The following BMP2K variants were observed in gnomAD, a reference collection of about 807,000 sequenced individuals.
The protein encoded by BMP2K is BMP-2-inducible protein kinase.
In BMP2K, 74 loss-of-function variants were observed where a neutral mutation model predicts 116.0. That is an observed-to-expected ratio of 0.64 (90% CI 0.53 to 0.77). BMP2K has a LOEUF of 0.77. Ranked by LOEUF, BMP2K falls within the 30% of genes least tolerant of loss-of-function variation. The probability of loss-of-function intolerance (pLI) is 0.00; values close to 1 mark genes in which losing one functional copy is unlikely to be tolerated. For missense variants in BMP2K, 1,365 were observed against 1,403.6 expected (o/e 0.97, Z 0.44); for synonymous variants, 486 against 502.5 (o/e 0.97, Z 0.44).
At chr4:78,834,561 T>C (rs1174674323) in intron 3 of BMP2K, among the ~76,000 whole-genome samples, 1 of 152,040 alleles carries the variant, frequency 6.6e-6, no homozygotes, top group African/African-American at 2.4e-5. Context: ...GCGTCTGTCC[T>C]TAAAAATTTT....
At chr4:78,875,858 G>A (rs962014077) in intron 13 of BMP2K, among the ~76,000 whole-genome samples, 5 of 152,166 alleles carry the variant, frequency 3.3e-5, no homozygotes, top group African/African-American at 1.2e-4. Flanking sequence ...ATTGATTCTG[G>A]TTTCTCCCTC....
chr4:78,860,298 A>C (rs893173149), intron 8 of BMP2K, among the ~76,000 whole-genome samples: 1 of 151,882 alleles, frequency 6.6e-6, no homozygotes, highest in Non-Finnish European at 1.5e-5. Flanking sequence ...GTATATCCTT[A>C]TAACAAAGCT....
chr4:78,808,267 T>C (rs1466783713), intron 1 of BMP2K, among the ~76,000 whole-genome samples: 1 of 144,614 alleles, frequency 6.9e-6, no homozygotes, highest in Non-Finnish European at 1.5e-5. Context: ...CTTGCTTCCT[T>C]TTTTTTTTTT....
intron 1 of BMP2K, among the ~76,000 whole-genome samples, chr4:78,802,393 G>A (rs1049085268): frequency 3.3e-5 from 5 of 152,160 alleles, no homozygotes; most frequent in Admixed American, 3.3e-4. Context: ...TTCCAGGAAA[G>A]CTTTTTCTGA....
chr4:78,880,479 T>A (rs1732842211), intron 14 of BMP2K, among the ~76,000 whole-genome samples: 1 of 152,232 alleles, frequency 6.6e-6, no homozygotes, highest in Non-Finnish European at 1.5e-5. Flanking sequence ...CTGACCAGGG[T>A]TTACTAAATT....
chr4:78,801,885 T>G (rs1728585601), intron 1 of BMP2K, among the ~76,000 whole-genome samples: 2 of 152,238 alleles, frequency 1.3e-5, no homozygotes, highest in Non-Finnish European at 2.9e-5. Context: ...ATCTACAGTT[T>G]AGAAATTAGG....
rs1194188507 is a variant in BMP2K, at chr4:78,872,810, T to C, written c.1793+12T>C. On this transcript the variant is annotated intron_variant, in intron 13 of 15. Coordinates refer to ENST00000502613, the MANE Select transcript of BMP2K (RefSeq NM_198892.2). The stretch of plus-strand genomic sequence containing the variant: ...TATAGTGCCAATAGGCAAGTATTTT[T>C]CCAGTGAAAGCAAAGGAAATTATTG... 7 of 1,609,116 alleles carry C rather than the reference T, an allele frequency of 4.4e-6. No individual in the cohort carries two copies. Among genetic ancestry groups the C allele is most frequent in the Non-Finnish European group, 5.9e-6 (7 of 1,176,712 alleles).
At chr4:78,786,200 G>A (rs1282527024) in intron 1 of BMP2K, among the ~76,000 whole-genome samples, 2 of 152,098 alleles carry the variant, frequency 1.3e-5, no homozygotes, top group African/African-American at 4.8e-5. Context: ...ATTGGGTCAT[G>A]AGAGCCCTCA....
rs539425107 is a variant in BMP2K at position 78,893,479 on chromosome 4, CT to C, written c.2062+6199del. 2.7e-4 allele frequency among the ~76,000 whole-genome samples: 41 copies of C among 152,294 alleles called. 1 individual carries two copies. The South Asian group carries it at 4.6e-3, about 17-fold the overall frequency. ...TTAATGAAATCTAGAATGGTGAATT[CT>C]TTTCAGGTTTTCAGTTTACTTTGCA... On this transcript the variant is annotated intron_variant, in intron 15 of 15. Transcript: ENST00000502613.
chr4:78,871,026 A>G lies in BMP2K; in HGVS notation c.1475A>G (p.His492Arg). ...CAGCAGCAGCACCACCACCACCACC[A>G]CCACCACCTACTTCAAGATGCTTAT... ...QQQQQHHHHH[H>R]HHLLQDAYMQ... Residue 492 changes from histidine to arginine, a missense_variant, in exon 11 of 16, where the codon CAC (histidine) becomes CGC (arginine). Around this residue, in one of 3 missense-constraint regions of BMP2K, gnomAD observed 762 missense variants for 756.7 expected, o/e 1.01. Transcript: ENST00000502613. The G allele has an allele frequency of 6.2e-7, 1 of 1,607,150 alleles. No individual in the cohort carries two copies. Among genetic ancestry groups the G allele is most frequent in the Non-Finnish European group, 8.5e-7 (1 of 1,179,902 alleles).
Position 78,910,855 on chromosome 4 carries a change from G to A in BMP2K, c.2308G>A (p.Gly770Arg), listed in dbSNP as rs1250260171. The change falls in exon 16 of 16, where the codon GGA (glycine) becomes AGA (arginine). Residue 770 changes from glycine to arginine, a missense_variant. This residue lies in a region of BMP2K where 596 missense variants were observed against 623.2 expected (regional missense o/e 0.96). Transcript: ENST00000502613. ...DDEEVLQGEQ[G>R]DFNDDDTEPE... ...TGAAGAAGTTCTTCAGGGGGAACAA[G>A]GAGATTTTAATGATGATGATACTGA... is the stretch of plus-strand genomic sequence containing the variant. 3 of 1,613,994 alleles carry A rather than the reference G, an allele frequency of 1.9e-6. No homozygotes were observed. The highest frequency in any genetic ancestry group is 1.7e-5 in the Admixed American group (1 of 60,014).
Position 78,826,770 on chromosome 4 carries a change from C to CT in BMP2K, c.297+618dup, listed in dbSNP as rs984611138. Among the ~76,000 whole-genome samples, 26 of 152,000 alleles carry CT rather than the reference C, an allele frequency of 1.7e-4. 1 individual carries two copies. The highest frequency in any genetic ancestry group is 6.0e-4 in the African/African-American group (25 of 41,458). ...GTATACTTTAAAGCTACTCTGCTTT[C>CT]TTTCTTTTTTTTTTCTTAAATACTT... On this transcript the variant is annotated intron_variant, in intron 2 of 15. Coordinates refer to ENST00000502613, the MANE Select transcript of BMP2K (RefSeq NM_198892.2).
intron 1 of BMP2K, among the ~76,000 whole-genome samples, chr4:78,818,247 C>CT (rs1485916131): frequency 2.0e-5 from 3 of 152,172 alleles, no homozygotes; most frequent in Non-Finnish European, 4.4e-5. Flanking sequence ...ATATACCCAT[C>CT]ATAATGCCTA....
intron 4 of BMP2K, among the ~76,000 whole-genome samples, chr4:78,844,391 A>G (rs1489075932): frequency 6.6e-6 from 1 of 151,382 alleles, no homozygotes; most frequent in African/African-American, 2.4e-5. Context: ...AATTAAGTCA[A>G]ATTTGTATTT....
chr4:78,873,590 C>T (rs943724697), intron 13 of BMP2K, among the ~76,000 whole-genome samples: 1 of 152,036 alleles, frequency 6.6e-6, no homozygotes, highest in African/African-American at 2.4e-5. Flanking sequence ...GCATCAGTAG[C>T]ATACTTGTAC....
rs201253367 is a variant in BMP2K, at chr4:78,776,738, AGGCTC to A, written c.178+20_178+24del. Reference sequence around the variant, plus strand: ...TGGCCGAAGGTACGGGCGCCCGGGGAGGCTCGGACAGGCAGGTGAGGGAGGGTTGG... The same window carrying A: ...TGGCCGAAGGTACGGGCGCCCGGGGAGGACAGGCAGGTGAGGGAGGGTTGG... On this transcript the variant is annotated intron_variant, in intron 1 of 15. Transcript: ENST00000502613. The A allele has an allele frequency of 0.17, 213,749 of 1,262,692 alleles. 19,090 individuals are homozygous for A. The highest frequency in any genetic ancestry group is 0.26 in the South Asian group (7,020 of 26,536). 78.2% of individuals were successfully genotyped at this position (1,262,692 alleles called of 1,614,324 possible). A position where few individuals can be genotyped will look rare whatever the true frequency, so the allele number is the denominator to read the frequency against.
intron 3 of BMP2K, among the ~76,000 whole-genome samples, chr4:78,837,099 T>C (rs765293551): frequency 6.6e-6 from 1 of 152,074 alleles, no homozygotes; most frequent in Non-Finnish European, 1.5e-5. Context: ...TTTCCTTTTC[T>C]TTATTCTTTT....
At chr4:78,820,130 C>G (rs1729543685) in intron 1 of BMP2K, among the ~76,000 whole-genome samples, 1 of 152,140 alleles carries the variant, frequency 6.6e-6, no homozygotes, top group South Asian at 2.1e-4. Context: ...AGTTTTTAGG[C>G]TAATTTTAGT....
rs113256173 is a variant in BMP2K, at chr4:78,789,438, T to C, written c.178+12717T>C. On this transcript the variant is annotated intron_variant, in intron 1 of 15. Coordinates refer to ENST00000502613, the MANE Select transcript of BMP2K (RefSeq NM_198892.2). Reference sequence around the variant, plus strand: ...GGCCTGTAGCTATAGTCATAGCTCCTGTATGTATGGGCATTGTCCTTTGAT... The same window carrying C: ...GGCCTGTAGCTATAGTCATAGCTCCCGTATGTATGGGCATTGTCCTTTGAT... Among the ~76,000 whole-genome samples the C allele has an allele frequency of 5.3e-5, 8 of 152,356 alleles. 1 individual carries two copies. The highest frequency in any genetic ancestry group is 1.9e-4 in the African/African-American group (8 of 41,590).
Sources: allele counts gnomAD v4.1 joint callset (sites outside exome capture counted in the v4.1 genomes callset), GRCh38; gene constraint gnomAD v4.1.1; regional missense constraint gnomAD v4.1.1; transcripts MANE v1.5; gene names NCBI Gene and HGNC (gene_info 2026-07-23, HGNC 2026-07-21).